Variants in ZCWPW2 observed in about 807,000 individuals in gnomAD.
ZCWPW2 encodes zinc finger CW-type and PWWP domain containing 2, also known as zinc finger CW-type PWWP domain protein 2.
ZCWPW2 carries 45 observed loss-of-function variants against 46.6 expected under a neutral mutation model. The observed-to-expected ratio is 0.96, with a 90% CI of 0.76 to 1.24. ZCWPW2 has a LOEUF of 1.24. ZCWPW2 is among the 50% of genes most tolerant of loss of function. The pLI is 0.00. For missense variants in ZCWPW2, 429 were observed against 403.9 expected (o/e 1.06, Z -0.53); for synonymous variants, 152 against 137.1 (o/e 1.11, Z -0.76).
At chr3:28,393,293 T>C (rs571660765) in intron 2 of ZCWPW2, among the ~76,000 whole-genome samples, 1 of 152,246 alleles carries the variant, frequency 6.6e-6, no homozygotes, top group African/African-American at 2.4e-5. Context: ...GTAAGGAGTT[T>C]GAATCAGTAA....
intron 3 of ZCWPW2, among the ~76,000 whole-genome samples, chr3:28,424,179 A>C (rs183376792): frequency 6.6e-6 from 1 of 151,930 alleles, no homozygotes; most frequent in Non-Finnish European, 1.5e-5. Context: ...TTCTCCATGA[A>C]GAAAATAGGA....
intron 1 of ZCWPW2, among the ~76,000 whole-genome samples, chr3:28,351,236 G>A (rs1158313642): frequency 1.3e-5 from 2 of 149,036 alleles, no homozygotes; most frequent in Middle Eastern, 3.5e-3. Flanking sequence ...ACATGTTGTC[G>A]CTCATTATAT....
At chr3:28,506,391 T>A (rs905330061) in intron 6 of ZCWPW2, among the ~76,000 whole-genome samples, 8 of 151,956 alleles carry the variant, frequency 5.3e-5, no homozygotes, top group Admixed American at 5.3e-4. Flanking sequence ...AAAATTTGCA[T>A]TTCTATCAAG....
intron 4 of ZCWPW2, among the ~76,000 whole-genome samples, chr3:28,463,780 C>A (rs1379478757): frequency 6.6e-6 from 1 of 151,522 alleles, no homozygotes; most frequent in African/African-American, 2.4e-5. Context: ...GTTCAAGGGT[C>A]CAGTGAGCTA....
intron 4 of ZCWPW2, among the ~76,000 whole-genome samples, chr3:28,442,559 A>G (rs1238810372): frequency 6.6e-6 from 1 of 152,218 alleles, no homozygotes. Context: ...TGCGACAGTA[A>G]AAGTATATTA....
chr3:28,359,357 C>T (rs1182276240), intron 1 of ZCWPW2, among the ~76,000 whole-genome samples: 1 of 151,930 alleles, frequency 6.6e-6, no homozygotes, highest in Non-Finnish European at 1.5e-5. Flanking sequence ...AGGTACAAAA[C>T]ACAGTATAAA....
At chr3:28,430,198 C>T (rs559124064) in intron 3 of ZCWPW2, among the ~76,000 whole-genome samples, 1 of 152,332 alleles carries the variant, frequency 6.6e-6, no homozygotes, top group South Asian at 2.1e-4. Flanking sequence ...CCTTGCACAG[C>T]CACAGGGGTG....
At chr3:28,494,900 T>A (rs1440343610) in intron 6 of ZCWPW2, among the ~76,000 whole-genome samples, 2 of 146,340 alleles carry the variant, frequency 1.4e-5, no homozygotes, top group Non-Finnish European at 3.0e-5. Flanking sequence ...CAAGGAGAAC[T>A]ACAAACCACT....
chr3:28,516,748 T>G (rs1299536384), intron 8 of ZCWPW2, among the ~76,000 whole-genome samples: 2 of 152,106 alleles, frequency 1.3e-5, no homozygotes, highest in Non-Finnish European at 2.9e-5. Flanking sequence ...GGCTCATGCC[T>G]GTAATCCTAG....
At chr3:28,501,972 C>T (rs551723419) in intron 6 of ZCWPW2, among the ~76,000 whole-genome samples, 1 of 151,998 alleles carries the variant, frequency 6.6e-6, no homozygotes, top group Admixed American at 6.6e-5. Context: ...ATCCTCCCAC[C>T]TTGGCCTCCC....
At chr3:28,373,014 T>C (rs1705386185) in intron 1 of ZCWPW2, among the ~76,000 whole-genome samples, 1 of 152,114 alleles carries the variant, frequency 6.6e-6, no homozygotes, top group South Asian at 2.1e-4. Flanking sequence ...TATCTATATC[T>C]ATCTATCTAC....
chr3:28,483,139 G>A (rs1699487172), intron 5 of ZCWPW2, among the ~76,000 whole-genome samples: 1 of 152,054 alleles, frequency 6.6e-6, no homozygotes, highest in African/African-American at 2.4e-5. Flanking sequence ...TTCGCCCTAT[G>A]ATTCATTGTG....
At position 28,444,297 on chromosome 3, in the gene ZCWPW2, T is replaced by C. The variant is rs149281413; in HGVS notation, c.492+9028T>C. Among the ~76,000 whole-genome samples, 445 of 152,296 alleles carry C rather than the reference T, an allele frequency of 2.9e-3. 1 individual carries two copies. Among genetic ancestry groups the C allele is most frequent in the African/African-American group, 0.01 (422 of 41,562 alleles). On this transcript the variant is annotated intron_variant, in intron 4 of 9. Coordinates refer to ENST00000383768, the MANE Select transcript of ZCWPW2 (RefSeq NM_001040432.4). ...ATCTACCAGGACTTTAGTCTAGTTA[T>C]AGGTCTAGAAGATAACATGAGTGTT... is the stretch of plus-strand genomic sequence containing the variant.
intron 6 of ZCWPW2, among the ~76,000 whole-genome samples, chr3:28,513,334 G>A (rs1361203650): frequency 2.0e-5 from 3 of 151,988 alleles, no homozygotes; most frequent in African/African-American, 7.2e-5. Context: ...TATTCGATTG[G>A]GAAATCTCAG....
chr3:28,362,884 A>G (rs141166156), intron 1 of ZCWPW2, among the ~76,000 whole-genome samples: 292 of 152,314 alleles, frequency 1.9e-3, no homozygotes, highest in African/African-American at 6.6e-3. Flanking sequence ...TGCAGTCATA[A>G]AAAAGAATGA....
intron 3 of ZCWPW2, among the ~76,000 whole-genome samples, chr3:28,421,558 T>A (rs1479062688): frequency 6.6e-6 from 1 of 151,960 alleles, no homozygotes; most frequent in African/African-American, 2.4e-5. Flanking sequence ...GCAGGCTTCA[T>A]TGGAGCTTTT....
chr3:28,371,487 A>T (rs1400088106), intron 1 of ZCWPW2, among the ~76,000 whole-genome samples: 8 of 152,050 alleles, frequency 5.3e-5, no homozygotes, highest in Non-Finnish European at 1.0e-4. Context: ...CATCAAAGGA[A>T]GTTGAACAAA....
In ZCWPW2 at chr3:28,526,010, T is replaced by C. The variant is rs1700837096; in HGVS notation, c.*1322T>C. The stretch of plus-strand genomic sequence containing the variant: ...AGGTTCCAGATCCCATGCCATTGAT[T>C]ATCATCTATAATGTCTTGATGAAGC... On this transcript the variant is annotated 3_prime_UTR_variant, in exon 10 of 10. Transcript: ENST00000383768. 6.6e-6 allele frequency among the ~76,000 whole-genome samples: 1 copy of C among 152,132 alleles called. No individual in the cohort carries two copies. Among genetic ancestry groups the C allele is most frequent in the Admixed American group, 6.6e-5 (1 of 15,256 alleles).
At chr3:28,378,284 A>G (rs1234370681) in intron 1 of ZCWPW2, among the ~76,000 whole-genome samples, 1 of 152,088 alleles carries the variant, frequency 6.6e-6, no homozygotes, top group Non-Finnish European at 1.5e-5. Flanking sequence ...AAAGATTAGA[A>G]GAAAACTAAA....
Sources: allele counts gnomAD v4.1 joint callset (sites outside exome capture counted in the v4.1 genomes callset), GRCh38; gene constraint gnomAD v4.1.1; transcripts MANE v1.5; gene names NCBI Gene and HGNC (gene_info 2026-07-23, HGNC 2026-07-21).